IPO11: variants seen among roughly 807,000 people sequenced by gnomAD.
The protein encoded by IPO11 is importin 11.
In IPO11, 66 loss-of-function variants were observed where a neutral mutation model predicts 143.2. That is an observed-to-expected ratio of 0.46 (90% CI 0.38 to 0.57). IPO11 has a LOEUF of 0.57. Among genes scored for constraint, IPO11 ranks in the 20% least tolerant of loss-of-function variants. The pLI, the probability that IPO11 is intolerant of heterozygous loss-of-function variation, is 0.00. For synonymous variants in IPO11, 385 were observed against 377.8 expected, an observed-to-expected ratio of 1.02 and a Z score of -0.22; for missense variants, 1,026 against 1,141.0, an observed-to-expected ratio of 0.90 and a Z score of 1.45.
chr5:62,484,232 GTATAA>G, intron 11 of IPO11, 70 bp downstream of exon 11: 3 of 1,233,964 alleles, frequency 2.4e-6, no homozygotes, highest in Non-Finnish European at 3.3e-6. Flanking sequence ...TGAGTGATAG[GTATAA>G]TATTGTATTT....
intron 24 of IPO11, among the ~76,000 whole-genome samples, chr5:62,546,007 A>G (rs1743161949): frequency 6.6e-6 from 1 of 152,242 alleles, no homozygotes; most frequent in Non-Finnish European, 1.5e-5. Flanking sequence ...GTGGGACTGT[A>G]AACTGGTTCA....
At chr5:62,436,201 G>A (rs1266108825) in intron 1 of IPO11, among the ~76,000 whole-genome samples, 1 of 152,028 alleles carries the variant, frequency 6.6e-6, no homozygotes, top group Non-Finnish European at 1.5e-5. Flanking sequence ...AGGTAATCTA[G>A]GTCAGATTTC....
At chr5:62,458,839 C>T (rs192586669) in intron 5 of IPO11, among the ~76,000 whole-genome samples, 83 of 152,258 alleles carry the variant, frequency 5.5e-4, no homozygotes, top group Middle Eastern at 3.4e-3. Flanking sequence ...TAGCATGGTG[C>T]GTACTCTTCC....
intron 28 of IPO11, among the ~76,000 whole-genome samples, chr5:62,596,096 T>TAA (rs34184081): frequency 7.1e-6 from 1 of 140,606 alleles, no homozygotes; most frequent in African/African-American, 2.7e-5. Context: ...CTGTCTCTAT[T>TAA]AAAAAAAAAA....
At chr5:62,580,464 A>G in intron 27 of IPO11, 1 of 1,551,396 alleles carries the variant, frequency 6.4e-7, no homozygotes, top group Non-Finnish European at 8.7e-7. Flanking sequence ...CCTTGCATCC[A>G]AGGGTCCTTA....
chr5:62,571,224 C>G (rs1187296447), intron 27 of IPO11, among the ~76,000 whole-genome samples: 1 of 151,754 alleles, frequency 6.6e-6, no homozygotes, highest in African/African-American at 2.4e-5. Context: ...TTTATTCTAT[C>G]CAGAATACCA....
At chr5:62,618,783 C>T (rs1255120987) in intron 29 of IPO11, among the ~76,000 whole-genome samples, 3 of 152,110 alleles carry the variant, frequency 2.0e-5, no homozygotes, top group Non-Finnish European at 4.4e-5. Flanking sequence ...CAGTGGTGGG[C>T]GCCTGTAGTC....
Position 62,537,263 on chromosome 5 carries a change from A to G in IPO11, c.2224A>G (p.Thr742Ala). 2 of 1,604,272 alleles carry G rather than the reference A, an allele frequency of 1.2e-6. No individual in the cohort carries two copies. Among genetic ancestry groups the G allele is most frequent in the Non-Finnish European group, 1.7e-6 (2 of 1,172,088 alleles). ...TTGTGAACTTTTAAAGGAAATTACT[A>G]CAGAAGGTCAAGTTCAGGTGCTCAA... is the stretch of plus-strand genomic sequence containing the variant. ...SFCELLKEIT[T>A]EGQVQVLKVV... Residue 742 changes from threonine (T) to alanine (A), a missense_variant, in exon 24 of 30, where the codon ACA becomes GCA. Thr to Ala is a moderately conservative substitution (Grantham distance 58). This residue lies in a region of IPO11 where 351 missense variants were observed against 358.9 expected (regional missense o/e 0.98). Coordinates refer to ENST00000325324, the MANE Select transcript of IPO11 (RefSeq NM_016338.5).
chr5:62,497,305 C>T (rs1741190139), intron 16 of IPO11, among the ~76,000 whole-genome samples: 1 of 152,234 alleles, frequency 6.6e-6, no homozygotes, highest in Non-Finnish European at 1.5e-5. Flanking sequence ...CTTGTGTGCT[C>T]ATCACTCAGT....
chr5:62,612,588 A>G (rs1745963649), intron 29 of IPO11, among the ~76,000 whole-genome samples: 1 of 152,236 alleles, frequency 6.6e-6, no homozygotes, highest in African/African-American at 2.4e-5. Context: ...CTCACTAAAG[A>G]GATATTTTTA....
chr5:62,476,619 A>G, intron 8 of IPO11, 64 bp from the exon 9 acceptor site: 1 of 1,440,156 alleles, frequency 6.9e-7, no homozygotes, highest in Non-Finnish European at 9.3e-7. Flanking sequence ...TTTTTGTAAA[A>G]ATTTTGATGT....
intron 27 of IPO11, among the ~76,000 whole-genome samples, chr5:62,585,692 A>G (rs1038227905): frequency 6.6e-6 from 1 of 152,162 alleles, no homozygotes. Flanking sequence ...TAGAGAACAG[A>G]TTAGAGGAAG....
At chr5:62,490,859 G>A (rs1224886381) in intron 15 of IPO11, among the ~76,000 whole-genome samples, 2 of 152,082 alleles carry the variant, frequency 1.3e-5, no homozygotes, top group South Asian at 2.1e-4. Context: ...AGGTCCAAGC[G>A]ATTCTTGTGC....
intron 27 of IPO11, among the ~76,000 whole-genome samples, chr5:62,564,090 A>G (rs1277805850): frequency 3.3e-5 from 5 of 152,204 alleles, no homozygotes; most frequent in Non-Finnish European, 5.9e-5. Flanking sequence ...ATAATGTGGT[A>G]GTAGAATTTT....
chr5:62,573,231 G>T (rs1744203702), intron 27 of IPO11, among the ~76,000 whole-genome samples: 1 of 152,018 alleles, frequency 6.6e-6, no homozygotes, highest in African/African-American at 2.4e-5. Flanking sequence ...TTTATCCATT[G>T]TATGAGGGTA....
intron 29 of IPO11, among the ~76,000 whole-genome samples, chr5:62,612,069 G>A (rs1015324516): frequency 5.3e-5 from 8 of 152,000 alleles, no homozygotes; most frequent in South Asian, 4.1e-4. Context: ...AACATTATGC[G>A]ATAAGTCCTT....
chr5:62,576,844 C>G (rs535396220), intron 27 of IPO11, among the ~76,000 whole-genome samples: 3 of 152,286 alleles, frequency 2.0e-5, no homozygotes, highest in Admixed American at 1.3e-4. Context: ...AACAATTGCT[C>G]TGTTATTTAT....
intron 29 of IPO11, among the ~76,000 whole-genome samples, chr5:62,604,131 A>G (rs1048450944): frequency 2.0e-5 from 3 of 152,332 alleles, no homozygotes; most frequent in South Asian, 2.1e-4. Context: ...CTCAGAATGT[A>G]TGCTCATCTT....
chr5:62,581,154 T>G (rs762555079), intron 27 of IPO11: 2 of 1,550,972 alleles, frequency 1.3e-6, no homozygotes, highest in East Asian at 4.9e-5. Flanking sequence ...ACTACAGCTT[T>G]TATCAGTCAG....
Sources: allele counts gnomAD v4.1 joint callset (sites outside exome capture counted in the v4.1 genomes callset), GRCh38; gene constraint gnomAD v4.1.1; regional missense constraint gnomAD v4.1.1; transcripts MANE v1.5; gene names NCBI Gene and HGNC (gene_info 2026-07-23, HGNC 2026-07-21).